COL23A1: variants seen among roughly 807,000 people sequenced by gnomAD.
The protein encoded by COL23A1 is collagen alpha-1(XXIII) chain.
COL23A1 carries 97 observed loss-of-function variants against 99.3 expected under a neutral mutation model. The observed-to-expected ratio is 0.98, with a 90% CI of 0.83 to 1.16. The LOEUF (loss-of-function observed/expected upper bound fraction) is 1.16, where lower values mean the gene tolerates loss of function less well. Ranked by LOEUF, COL23A1 falls within the 50% of genes most tolerant of loss-of-function variation. COL23A1 has a pLI of 0.00. For synonymous variants in COL23A1, 320 were observed against 308.2 expected (o/e 1.04, Z -0.40); for missense variants, 762 against 757.4 (o/e 1.01, Z -0.07).
chr5:178,263,949 T>C (rs910048861), intron 8 of COL23A1, among the ~76,000 whole-genome samples: 1 of 152,268 alleles, frequency 6.6e-6, no homozygotes, highest in Non-Finnish European at 1.5e-5. Flanking sequence ...GTGGAAAAAG[T>C]CCATCTCCAA....
intron 2 of COL23A1, among the ~76,000 whole-genome samples, chr5:178,429,045 C>T (rs994854575): frequency 2.0e-5 from 3 of 152,152 alleles, no homozygotes; most frequent in African/African-American, 4.8e-5. Context: ...CTGGGGCACG[C>T]GACTGCTCTG....
At chr5:178,477,626 C>T (rs909086606) in intron 2 of COL23A1, among the ~76,000 whole-genome samples, 1 of 152,140 alleles carries the variant, frequency 6.6e-6, no homozygotes, top group South Asian at 2.1e-4. Flanking sequence ...GAAGCAAAAA[C>T]CTTGAAGGAC....
chr5:178,323,034 CAGGACGGGGTGG>C (rs1388760313), intron 2 of COL23A1, among the ~76,000 whole-genome samples: 1 of 152,074 alleles, frequency 6.6e-6, no homozygotes, highest in Non-Finnish European at 1.5e-5. Context: ...GGAGGCTAAG[CAGGACGGGGTGG>C]AGGATGTGGG....
intron 2 of COL23A1, among the ~76,000 whole-genome samples, chr5:178,372,349 C>T (rs1581252057): frequency 6.6e-6 from 1 of 152,212 alleles, no homozygotes; most frequent in Admixed American, 6.5e-5. Flanking sequence ...AGTTTTTAGT[C>T]CGAGGGCGTA....
intron 19 of COL23A1, 34 bp from the exon 20 acceptor site, chr5:178,248,288 G>GTCCAGC: frequency 6.4e-7 from 1 of 1,567,544 alleles, no homozygotes; most frequent in Admixed American, 1.7e-5. Flanking sequence ...AGTCCTTTGT[G>GTCCAGC]TCCAGCACCT....
intron 3 of COL23A1, among the ~76,000 whole-genome samples, chr5:178,294,335 GCTC>G (rs1300742955): frequency 5.4e-4 from 26 of 47,792 alleles, no homozygotes; most frequent in African/African-American, 1.3e-3. Flanking sequence ...TCACTACCGA[GCTC>G]CCTCCCCAAA....
intron 2 of COL23A1, among the ~76,000 whole-genome samples, chr5:178,417,265 C>T (rs927044359): frequency 6.6e-6 from 1 of 152,196 alleles, no homozygotes; most frequent in East Asian, 1.9e-4. Context: ...AACAGACACA[C>T]TCACACAAAA....
intron 2 of COL23A1, among the ~76,000 whole-genome samples, chr5:178,397,983 G>A (rs371033857): frequency 6.6e-6 from 1 of 150,902 alleles, no homozygotes. Flanking sequence ...GAGACTTCAT[G>A]TCAAAAAAAA....
rs1328983835 is a variant in COL23A1, at chr5:178,306,066, G to A, written c.406+809C>T. ...GTGTCACAGCAGTGGGAGACTGTGG[G>A]AGAGAGGAGAGGAGACGACCAAGGG... is the stretch of plus-strand genomic sequence containing the variant. On this transcript the variant is annotated intron_variant, in intron 3 of 28. Transcript: ENST00000390654. The surrounding 1 kb of genome is among the most constrained non-coding windows in gnomAD (Gnocchi z 4.1). Among the ~76,000 whole-genome samples the A allele has an allele frequency of 6.6e-6, 1 of 152,142 alleles. No individual in the cohort carries two copies. Among genetic ancestry groups the A allele is most frequent in the Non-Finnish European group, 1.5e-5 (1 of 68,026 alleles).
intron 2 of COL23A1, among the ~76,000 whole-genome samples, chr5:178,455,362 G>A (rs545242394): frequency 7.9e-5 from 12 of 152,304 alleles, no homozygotes; most frequent in African/African-American, 2.6e-4. Flanking sequence ...CAGCATGGGA[G>A]GGCTGCCCGC....
intron 2 of COL23A1, among the ~76,000 whole-genome samples, chr5:178,367,356 C>T (rs917944583): frequency 2.0e-5 from 3 of 151,050 alleles, no homozygotes; most frequent in African/African-American, 7.4e-5. Flanking sequence ...TCCTCTGGAG[C>T]GGCAAGAAGC....
chr5:178,268,146 G>T, intron 7 of COL23A1, among the ~76,000 whole-genome samples: 1 of 152,222 alleles, frequency 6.6e-6, no homozygotes, highest in Non-Finnish European at 1.5e-5. Flanking sequence ...TGGGTCGGGG[G>T]TGGACATGGT....
Position 178,254,934 on chromosome 5 carries a change from C to G in COL23A1, c.960+15G>C, listed in dbSNP as rs570377289. 2 of 1,597,854 alleles carry G rather than the reference C, an allele frequency of 1.3e-6. No individual in the cohort carries two copies. Among genetic ancestry groups the G allele is most frequent in the African/African-American group, 2.7e-5 (2 of 73,578 alleles). ...TCGTATCTAAGGCACATCCTGGTCC[C>G]ACCAGGAACACTACCTTGAGGGCAT... On this transcript the variant is annotated intron_variant, in intron 16 of 28. Transcript: ENST00000390654.
At chr5:178,498,028 G>A (rs1758283980) in intron 2 of COL23A1, among the ~76,000 whole-genome samples, 1 of 151,020 alleles carries the variant, frequency 6.6e-6, no homozygotes, top group African/African-American at 2.4e-5. Context: ...CAACACCTAT[G>A]TACAACAACA....
intron 2 of COL23A1, among the ~76,000 whole-genome samples, chr5:178,390,531 G>A (rs184927950): frequency 5.9e-5 from 9 of 152,382 alleles, no homozygotes; most frequent in Admixed American, 5.2e-4. Flanking sequence ...GAAGGGCAGA[G>A]ACAGCACAAT....
intron 3 of COL23A1, among the ~76,000 whole-genome samples, chr5:178,305,012 G>T (rs1263113720): frequency 6.6e-6 from 1 of 152,078 alleles, no homozygotes; most frequent in Non-Finnish European, 1.5e-5. Flanking sequence ...ATCATACTTT[G>T]TCCTAAAAAA....
intron 2 of COL23A1, among the ~76,000 whole-genome samples, chr5:178,425,491 G>A (rs910703681): frequency 1.3e-5 from 2 of 152,020 alleles, no homozygotes; most frequent in African/African-American, 4.8e-5. Flanking sequence ...GCCAATGGTG[G>A]CTGTTTCCCG....
intron 2 of COL23A1, among the ~76,000 whole-genome samples, chr5:178,533,253 C>G (rs889401869): frequency 2.6e-5 from 4 of 152,168 alleles, no homozygotes; most frequent in Non-Finnish European, 4.4e-5. Context: ...AATTCACTGG[C>G]ATTAAGTACA....
intron 2 of COL23A1, among the ~76,000 whole-genome samples, chr5:178,531,430 TGACC>T (rs1471503275): frequency 6.6e-6 from 1 of 152,166 alleles, no homozygotes; most frequent in African/African-American, 2.4e-5. Context: ...CCCTGTGGCC[TGACC>T]TAGCTCTGTC....
Sources: gnomAD v4.1 joint callset for allele counts (sites outside exome capture counted in the v4.1 genomes callset) on GRCh38, gnomAD v4.1.1 for gene constraint, Gnocchi (gnomAD v3.1) non-coding constraint, MANE v1.5 for transcripts, NCBI Gene and HGNC (gene_info 2026-07-23, HGNC 2026-07-21) for gene names.